Variants in TAFA2 observed in about 807,000 individuals in gnomAD.
The protein encoded by TAFA2 is TAFA chemokine like family member 2.
In TAFA2, 7 loss-of-function variants were observed where a neutral mutation model predicts 18.8. The observed-to-expected ratio is 0.37, with a 90% CI of 0.21 to 0.70. TAFA2 has a LOEUF of 0.70. Among genes scored for constraint, TAFA2 ranks in the 30% least tolerant of loss-of-function variants. TAFA2 has a pLI of 0.53. For missense variants in TAFA2, 122 were observed against 158.1 expected, an observed-to-expected ratio of 0.77 and a Z score of 1.23; for synonymous variants, 60 against 54.2, an observed-to-expected ratio of 1.11 and a Z score of -0.47.
At chr12:62,102,910 C>G (rs1869273951) in intron 1 of TAFA2, among the ~76,000 whole-genome samples, 1 of 152,196 alleles carries the variant, frequency 6.6e-6, no homozygotes, top group Non-Finnish European at 1.5e-5. Flanking sequence ...TCTGTCTTAT[C>G]AGCAGTCTAC....
intron 1 of TAFA2, among the ~76,000 whole-genome samples, chr12:62,040,906 T>C (rs1420061866): frequency 6.6e-6 from 1 of 152,154 alleles, no homozygotes; most frequent in Admixed American, 6.5e-5. Context: ...AAATGACCTT[T>C]CTGGTCAAAA....
intron 1 of TAFA2, among the ~76,000 whole-genome samples, chr12:61,892,927 T>TA (rs557228033): frequency 3.9e-5 from 6 of 152,164 alleles, no homozygotes; most frequent in Admixed American, 1.3e-4. Context: ...ATGTTTGCAG[T>TA]AAAAAAAATC....
intron 1 of TAFA2, among the ~76,000 whole-genome samples, chr12:61,991,272 C>T (rs570024497): frequency 1.8e-4 from 27 of 152,230 alleles, no homozygotes; most frequent in Non-Finnish European, 2.5e-4. Context: ...AAGTGTTATA[C>T]GGTGCATTGT....
rs115629596 is a variant in TAFA2, at chr12:61,886,618, G to A, written c.-1-19192C>T. 3.0e-3 allele frequency among the ~76,000 whole-genome samples: 458 copies of A among 152,266 alleles called. 1 individual carries two copies. Among genetic ancestry groups the A allele is most frequent in the African/African-American group, 7.7e-3 (320 of 41,552 alleles). On this transcript the variant is annotated intron_variant, in intron 1 of 4. Transcript: ENST00000416284. Reference sequence around the variant, plus strand: ...TGGGTCCGCAGAGTGGCAAGTTCTCGTGTGGGTCCCAGTGGTCCACATCTG... The same window carrying A: ...TGGGTCCGCAGAGTGGCAAGTTCTCATGTGGGTCCCAGTGGTCCACATCTG...
intron 1 of TAFA2, among the ~76,000 whole-genome samples, chr12:62,147,326 G>GTA (rs1219861920): frequency 0.014 from 277 of 19,448 alleles, 3 homozygotes; most frequent in African/African-American, 0.032. Context: ...GTGTATGTAT[G>GTA]TATATATATA....
rs371878837 is a variant in TAFA2, at chr12:62,088,941, C to G, written c.-2+102318G>C. ...GTGTGTGTGTGTGCACGCGCGCGCA[C>G]GCATCTGTCTCACATACACACAAAC... On this transcript the variant is annotated intron_variant, in intron 1 of 4. Coordinates refer to ENST00000416284, the MANE Select transcript of TAFA2 (RefSeq NM_178539.5). Among the ~76,000 whole-genome samples, 22 of 151,980 alleles carry G rather than the reference C, an allele frequency of 1.4e-4. No individual in the cohort carries two copies. In the East Asian group the frequency reaches 1.9e-3, roughly 13 times the overall value.
chr12:62,122,837 C>T (rs1386835085), intron 1 of TAFA2, among the ~76,000 whole-genome samples: 1 of 152,160 alleles, frequency 6.6e-6, no homozygotes, highest in Admixed American at 6.5e-5. Flanking sequence ...GTATGCAGCA[C>T]ACAAACAGCA....
intron 1 of TAFA2, among the ~76,000 whole-genome samples, chr12:62,111,055 C>T (rs1181343597): frequency 4.6e-5 from 7 of 151,980 alleles, no homozygotes; most frequent in Non-Finnish European, 1.0e-4. Flanking sequence ...TCTTGCTTCT[C>T]TAGTTCTTTC....
chr12:61,905,631 T>C (rs563192355), intron 1 of TAFA2, among the ~76,000 whole-genome samples: 19 of 152,260 alleles, frequency 1.2e-4, no homozygotes, highest in African/African-American at 4.1e-4. Context: ...TTGTTACATA[T>C]ATCAAAGACA....
At chr12:62,118,375 C>T (rs1029625780) in intron 1 of TAFA2, among the ~76,000 whole-genome samples, 9 of 152,040 alleles carry the variant, frequency 5.9e-5, no homozygotes, top group African/African-American at 2.2e-4. Flanking sequence ...ATCCACTCTC[C>T]TACTGATGTC....
chr12:61,918,713 T>G (rs1234912449), intron 1 of TAFA2, among the ~76,000 whole-genome samples: 2 of 152,110 alleles, frequency 1.3e-5, no homozygotes, highest in Non-Finnish European at 2.9e-5. Flanking sequence ...CTATTTTTAG[T>G]TTTTTTGAGG....
chr12:62,104,493 C>G (rs1869357373), intron 1 of TAFA2, among the ~76,000 whole-genome samples: 1 of 152,072 alleles, frequency 6.6e-6, no homozygotes, highest in South Asian at 2.1e-4. Context: ...TTTTCCCAAC[C>G]CAGAAATCTT....
chr12:62,115,800 C>T (rs1047461210), intron 1 of TAFA2, among the ~76,000 whole-genome samples: 2 of 152,188 alleles, frequency 1.3e-5, no homozygotes, highest in Middle Eastern at 3.4e-3. Context: ...CCTTTCTTGT[C>T]CTTGGTCACT....
intron 1 of TAFA2, among the ~76,000 whole-genome samples, chr12:62,147,781 T>C (rs371639530): frequency 1.4e-5 from 2 of 145,442 alleles, no homozygotes; most frequent in African/African-American, 5.1e-5. Context: ...ACAGACAACC[T>C]ACAGAATGTG....
intron 1 of TAFA2, among the ~76,000 whole-genome samples, chr12:62,164,266 A>C (rs1451538324): frequency 6.6e-6 from 1 of 152,134 alleles, no homozygotes; most frequent in East Asian, 1.9e-4. Flanking sequence ...GTTTCTCAAC[A>C]ACTCTCTCTC....
intron 1 of TAFA2, among the ~76,000 whole-genome samples, chr12:62,063,012 G>A (rs1196503140): frequency 1.3e-5 from 2 of 151,910 alleles, no homozygotes; most frequent in Non-Finnish European, 2.9e-5. Flanking sequence ...TGCTTTGATG[G>A]ACTCATGATT....
intron 1 of TAFA2, chr12:61,880,604 G>C (rs1444862121): frequency 1.4e-5 from 6 of 428,718 alleles, no homozygotes; most frequent in African/African-American, 1.0e-4. Context: ...CTCGGCCTAT[G>C]GGGGCCTCAC....
At chr12:61,787,649 A>T (rs139229003) in intron 2 of TAFA2, among the ~76,000 whole-genome samples, 1 of 151,686 alleles carries the variant, frequency 6.6e-6, no homozygotes, top group African/African-American at 2.4e-5. Context: ...TTATAACCAC[A>T]ATTTTTAAAT....
intron 1 of TAFA2, among the ~76,000 whole-genome samples, chr12:62,107,342 C>T (rs1465855723): frequency 6.6e-6 from 1 of 152,002 alleles, no homozygotes; most frequent in African/African-American, 2.4e-5. Flanking sequence ...GAAAAACTAC[C>T]AAAGGGAAGA....
Sources: gnomAD v4.1 joint callset for allele counts (sites outside exome capture counted in the v4.1 genomes callset) on GRCh38, gnomAD v4.1.1 for gene constraint, MANE v1.5 for transcripts, NCBI Gene and HGNC (gene_info 2026-07-23, HGNC 2026-07-21) for gene names.